The following TMPRSS11F variants were observed in gnomAD, a reference collection of about 807,000 sequenced individuals.
TMPRSS11F encodes transmembrane protease serine 11F.
TMPRSS11F carries 47 observed loss-of-function variants against 60.2 expected under a neutral mutation model. That is an observed-to-expected ratio of 0.78 (90% CI 0.62 to 1.00). The LOEUF (loss-of-function observed/expected upper bound fraction) is 1.00, where lower values mean the gene tolerates loss of function less well. Ranked by LOEUF, TMPRSS11F falls within the 50% of genes least tolerant of loss-of-function variation. TMPRSS11F has a pLI of 0.00. For synonymous variants in TMPRSS11F, 166 were observed against 167.3 expected, an observed-to-expected ratio of 0.99 and a Z score of 0.06; for missense variants, 519 against 522.9, an observed-to-expected ratio of 0.99 and a Z score of 0.07.
At chr4:68,114,081 G>A (rs1724465178) in intron 1 of TMPRSS11F, among the ~76,000 whole-genome samples, 1 of 151,870 alleles carries the variant, frequency 6.6e-6, no homozygotes, top group Non-Finnish European at 1.5e-5. Context: ...TGTTTTAAAT[G>A]AAAACATAAA....
At chr4:68,100,703 G>A (rs1393906799) in intron 1 of TMPRSS11F, among the ~76,000 whole-genome samples, 1 of 152,098 alleles carries the variant, frequency 6.6e-6, no homozygotes, top group Non-Finnish European at 1.5e-5. Context: ...ACTTGGGTCT[G>A]GGTCTGAACC....
chr4:68,066,872 T>C (rs1038127249), intron 7 of TMPRSS11F, among the ~76,000 whole-genome samples: 2 of 149,776 alleles, frequency 1.3e-5, no homozygotes, highest in Admixed American at 6.7e-5. Flanking sequence ...AGGCAGAGCT[T>C]GCAGTGAGCT....
chr4:68,094,722 A>G (rs1049087857), intron 2 of TMPRSS11F, among the ~76,000 whole-genome samples: 4 of 152,000 alleles, frequency 2.6e-5, no homozygotes, highest in Non-Finnish European at 2.9e-5. Flanking sequence ...TGCTATCTCA[A>G]TGCAAATTTT....
chr4:68,058,278 T>G (rs1247629052), intron 9 of TMPRSS11F, among the ~76,000 whole-genome samples: 2 of 152,242 alleles, frequency 1.3e-5, no homozygotes, highest in Admixed American at 1.3e-4. Flanking sequence ...GTTAATTAGC[T>G]TTACTTAACC....
chr4:68,107,446 G>C (rs2109878150), intron 1 of TMPRSS11F, among the ~76,000 whole-genome samples: 1 of 152,272 alleles, frequency 6.6e-6, no homozygotes, highest in South Asian at 2.1e-4. Context: ...TGATATCTAA[G>C]TGGAGACATG....
chr4:68,080,184 A>C (rs1378987692), intron 3 of TMPRSS11F: 2 of 152,234 alleles, frequency 1.3e-5, no homozygotes, highest in Non-Finnish European at 2.9e-5. Flanking sequence ...GGAATGGATG[A>C]AATCACTTAC....
chr4:68,061,044 AAT>A (rs1723161333), intron 8 of TMPRSS11F, among the ~76,000 whole-genome samples: 1 of 137,558 alleles, frequency 7.3e-6, no homozygotes, highest in Non-Finnish European at 1.7e-5. Context: ...AACTATTTTT[AAT>A]ATATATAAAA....
intron 1 of TMPRSS11F, among the ~76,000 whole-genome samples, chr4:68,127,585 CTT>C (rs1392527065): frequency 5.3e-5 from 8 of 152,108 alleles, no homozygotes; most frequent in African/African-American, 1.9e-4. Flanking sequence ...GCTATTAACT[CTT>C]TGAAATCATA....
At chr4:68,106,814 CAT>C (rs1266929892) in intron 1 of TMPRSS11F, among the ~76,000 whole-genome samples, 1 of 152,146 alleles carries the variant, frequency 6.6e-6, no homozygotes, top group Admixed American at 6.5e-5. Flanking sequence ...TAATGTAAAA[CAT>C]ATAAGACATT....
chr4:68,080,618 T>G (rs2109854511), intron 3 of TMPRSS11F: 1 of 152,348 alleles, frequency 6.6e-6, no homozygotes, highest in Non-Finnish European at 1.5e-5. Context: ...CCTCCGTGAT[T>G]AATCTAAGCT....
chr4:68,075,961 C>G (rs1723575406), intron 3 of TMPRSS11F, among the ~76,000 whole-genome samples: 1 of 151,418 alleles, frequency 6.6e-6, no homozygotes, highest in Non-Finnish European at 1.5e-5. Context: ...CCACTGCACT[C>G]CAGCCTGGGC....
intron 8 of TMPRSS11F, among the ~76,000 whole-genome samples, chr4:68,060,598 C>CTTTT (rs1410291699): frequency 1.2e-3 from 165 of 133,200 alleles, no homozygotes; most frequent in African/African-American, 4.3e-3. Flanking sequence ...ATAAGTATCT[C>CTTTT]TCTTTTTTTT....
chr4:68,094,528 A>G (rs560041879), intron 2 of TMPRSS11F, among the ~76,000 whole-genome samples: 57 of 150,344 alleles, frequency 3.8e-4, no homozygotes, highest in African/African-American at 1.3e-3. Context: ...GTGAACATGT[A>G]CCCTAAAACT....
intron 7 of TMPRSS11F, among the ~76,000 whole-genome samples, chr4:68,065,213 A>G (rs1723300329): frequency 6.6e-6 from 1 of 152,242 alleles, no homozygotes; most frequent in Non-Finnish European, 1.5e-5. Context: ...TAATTTCAAC[A>G]AACTGTGTAG....
In TMPRSS11F at chr4:68,070,000, G is replaced by A; in HGVS notation, c.522C>T (p.Asp174=). ...NKPSFRLTPI[D]SKKMRNLLNS... is the part of the protein sequence containing the mutation. ...TGAGAAGATTCCTCATCTTTTTGCT[G>A]TCAATAGCTGGAATAAGCAAAACAT... is the stretch of plus-strand genomic sequence containing the variant. The change falls in exon 6 of 10, where the codon GAC becomes GAT. Residue 174 remains aspartate, a synonymous_variant. Coordinates refer to ENST00000356291, the MANE Select transcript of TMPRSS11F (RefSeq NM_207407.2). 2 of 1,602,002 alleles carry A rather than the reference G, an allele frequency of 1.2e-6. No individual in the cohort carries two copies. The highest frequency in any genetic ancestry group is 2.2e-5 in the South Asian group (2 of 89,236).
At chr4:68,091,747 ATCTCTCTCTCTCTCTCTCTCTCTCTC>A (rs372346277) in intron 2 of TMPRSS11F, among the ~76,000 whole-genome samples, 5 of 71,586 alleles carry the variant, frequency 7.0e-5, no homozygotes, top group South Asian at 4.8e-4. Flanking sequence ...TTAATCTCTA[ATCTCTCTCTCTCTCTCTCTCTCTCTC>A]TCTCTCTCTC....
intron 1 of TMPRSS11F, among the ~76,000 whole-genome samples, chr4:68,115,627 T>C (rs1407839981): frequency 6.6e-6 from 1 of 152,100 alleles, no homozygotes; most frequent in Non-Finnish European, 1.5e-5. Context: ...AGAAAATCCT[T>C]GAGAATCTGC....
In TMPRSS11F at chr4:68,091,751, C is replaced by CTA. The variant is rs1560403382; in HGVS notation, c.164-1111_164-1110insTA. On this transcript the variant is annotated intron_variant, in intron 2 of 9. Transcript: ENST00000356291. ...CTATAACCCATTTAATCTCTAATCT[C>CTA]TCTCTCTCTCTCTCTCTCTCTCTCT... Among the ~76,000 whole-genome samples, 220 of 35,124 alleles carry CTA rather than the reference C, an allele frequency of 6.3e-3. 2 individuals are homozygous for CTA. The highest frequency in any genetic ancestry group is 0.012 in the African/African-American group (215 of 18,644). 23.0% of individuals were successfully genotyped at this position (35,124 alleles called of 152,430 possible).
rs546250557 is a variant in TMPRSS11F at position 68,064,333 on chromosome 4, C to G, written c.1015+352G>C. Among the ~76,000 whole-genome samples, 65 of 152,056 alleles carry G rather than the reference C, an allele frequency of 4.3e-4. 2 individuals carry two copies. The South Asian group carries it at 0.013, about 31-fold the overall frequency. The stretch of plus-strand genomic sequence containing the variant: ...CCAAGTAACTGGGATTACAGGTGCA[C>G]ACCACCATGCCCAGCTAATTTTTTT... On this transcript the variant is annotated intron_variant, in intron 8 of 9. Transcript: ENST00000356291.
Sources: gnomAD v4.1 joint callset for allele counts (sites outside exome capture counted in the v4.1 genomes callset) on GRCh38, gnomAD v4.1.1 for gene constraint, MANE v1.5 for transcripts, NCBI Gene and HGNC (gene_info 2026-07-23, HGNC 2026-07-21) for gene names.